DCDC1: variants seen among roughly 807,000 people sequenced by gnomAD.
DCDC1 encodes the protein doublecortin domain containing 1.
In DCDC1, 200 loss-of-function variants were observed where a neutral mutation model predicts 178.3. The ratio of observed to expected loss-of-function variants is 1.12; its 90% CI spans 1.00 to 1.26. The LOEUF is 1.26. Among genes scored for constraint, DCDC1 ranks in the 50% most tolerant of loss-of-function variants. DCDC1 has a pLI of 0.00. For synonymous variants in DCDC1, 690 were observed against 604.8 expected, an observed-to-expected ratio of 1.14 and a Z score of -2.07; for missense variants, 1,983 against 1,749.2, an observed-to-expected ratio of 1.13 and a Z score of -2.38.
intron 13 of DCDC1, among the ~76,000 whole-genome samples, chr11:31,106,209 G>C (rs1372612598): frequency 6.6e-6 from 1 of 152,194 alleles, no homozygotes; most frequent in Admixed American, 6.5e-5. Flanking sequence ...ATAATGTAAG[G>C]TGCTTTTGAG....
Position 31,148,210 on chromosome 11 carries a change from T to TAAAAAAAAA in DCDC1, c.1222-10435_1222-10427dup, listed in dbSNP as rs55829692. 6.5e-4 allele frequency among the ~76,000 whole-genome samples: 62 copies of TAAAAAAAAA among 95,668 alleles called. 2 individuals carry two copies. The highest frequency in any genetic ancestry group is 2.2e-3 in the African/African-American group (57 of 25,516). The allele number at this position is 95,668 out of a possible 152,430, so 62.8% of individuals were successfully genotyped here. On this transcript the variant is annotated intron_variant, in intron 9 of 38. Transcript: ENST00000684477. ...GTGTAAGAGCTAGAATTTATTATTA[T>TAAAAAAAAA]AAAAAAAAAAAAAAAAAAAAAAAAC...
chr11:31,262,957 G>A, intron 8 of DCDC1: 2 of 1,373,262 alleles, frequency 1.5e-6, no homozygotes, highest in Non-Finnish European at 2.0e-6. Context: ...AAAAACAGAG[G>A]GCAAGGCATG....
At chr11:31,136,509 T>C (rs1477388085) in intron 10 of DCDC1, among the ~76,000 whole-genome samples, 1 of 152,086 alleles carries the variant, frequency 6.6e-6, no homozygotes, top group Non-Finnish European at 1.5e-5. Flanking sequence ...TGTTCATCTA[T>C]TACAAAACAC....
At chr11:31,000,658 A>G (rs1045938697) in intron 20 of DCDC1, among the ~76,000 whole-genome samples, 1 of 152,076 alleles carries the variant, frequency 6.6e-6, no homozygotes, top group African/African-American at 2.4e-5. Context: ...TACATTAATG[A>G]AGCTTTGTTG....
At chr11:31,256,120 G>A (rs989355056) in intron 8 of DCDC1, among the ~76,000 whole-genome samples, 7 of 152,170 alleles carry the variant, frequency 4.6e-5, no homozygotes, top group African/African-American at 1.4e-4. Flanking sequence ...TTTGTCAAAA[G>A]TCAATTGGCC....
intron 9 of DCDC1, among the ~76,000 whole-genome samples, chr11:31,160,003 T>C (rs952497241): frequency 2.0e-5 from 3 of 152,204 alleles, no homozygotes; most frequent in African/African-American, 4.8e-5. Flanking sequence ...ACAGCAATGC[T>C]TGAGAATTTA....
chr11:30,908,432 T>TA (rs1049942850), intron 29 of DCDC1, among the ~76,000 whole-genome samples: 114 of 147,408 alleles, frequency 7.7e-4, no homozygotes, highest in African/African-American at 2.4e-3. Context: ...CAACAAACCA[T>TA]AAAAAAAAAA....
At chr11:31,143,211 A>G (rs1458772779) in intron 9 of DCDC1, among the ~76,000 whole-genome samples, 1 of 152,220 alleles carries the variant, frequency 6.6e-6, no homozygotes, top group South Asian at 2.1e-4. Context: ...GAGTGGCTGG[A>G]GATGGAGAAG....
At chr11:31,056,707 A>G (rs1054376206) in intron 20 of DCDC1, among the ~76,000 whole-genome samples, 3 of 152,186 alleles carry the variant, frequency 2.0e-5, no homozygotes, top group Non-Finnish European at 4.4e-5. Flanking sequence ...AGAAATAGAA[A>G]AATCCACAAT....
intron 1 of DCDC1, among the ~76,000 whole-genome samples, chr11:31,366,784 A>G (rs1052786644): frequency 2.0e-5 from 3 of 152,182 alleles, no homozygotes; most frequent in African/African-American, 7.2e-5. Context: ...TGTCAAATTC[A>G]CCTTCCTCAC....
At chr11:30,892,759 A>T in intron 36 of DCDC1, 59 bp downstream of exon 36, 1 of 1,590,232 alleles carries the variant, frequency 6.3e-7, no homozygotes, top group Non-Finnish European at 8.6e-7. Context: ...CAATCTAGAA[A>T]TATCAGAGCT....
At chr11:31,060,111 C>A (rs1408726318) in intron 20 of DCDC1, among the ~76,000 whole-genome samples, 1 of 151,852 alleles carries the variant, frequency 6.6e-6, no homozygotes, top group Non-Finnish European at 1.5e-5. Context: ...GAAAAAAGGG[C>A]CTTATAAAAA....
Position 31,064,999 on chromosome 11 carries a change from C to T in DCDC1, c.2433+20G>A, listed in dbSNP as rs376906570. The T allele has an allele frequency of 2.2e-5, 16 of 722,168 alleles. No individual in the cohort carries two copies. Among genetic ancestry groups the T allele is most frequent in the Admixed American group, 8.7e-5 (4 of 45,904 alleles). The allele number at this position is 722,168 out of a possible 1,614,324, so 44.7% of individuals were successfully genotyped here. On this transcript the variant is annotated intron_variant, in intron 19 of 38. Transcript: ENST00000684477. ...TTTTAGAGAGCTATTTCTGTCTTGC[C>T]TCTGGCTCCCTACACTGACCTCTTC...
intron 1 of DCDC1, among the ~76,000 whole-genome samples, chr11:31,342,684 T>C (rs992573931): frequency 6.6e-6 from 1 of 152,186 alleles, no homozygotes; most frequent in South Asian, 2.1e-4. Flanking sequence ...TGAGTCTGAA[T>C]TGGGAAATGC....
At chr11:31,199,768 C>T (rs1971084405) in intron 9 of DCDC1, among the ~76,000 whole-genome samples, 1 of 151,914 alleles carries the variant, frequency 6.6e-6, no homozygotes, top group Non-Finnish European at 1.5e-5. Flanking sequence ...TGTCTGATAC[C>T]AACACTACTC....
intron 8 of DCDC1, among the ~76,000 whole-genome samples, chr11:31,245,940 C>T (rs946537167): frequency 1.3e-5 from 2 of 151,772 alleles, no homozygotes; most frequent in African/African-American, 2.4e-5. Flanking sequence ...GGAGGCAGTA[C>T]ATGATAAGGA....
chr11:31,035,947 G>T (rs1953998976), intron 20 of DCDC1, among the ~76,000 whole-genome samples: 2 of 152,206 alleles, frequency 1.3e-5, no homozygotes, highest in East Asian at 1.9e-4. Context: ...CTTAAGTTGT[G>T]GCTTATATTT....
intron 20 of DCDC1, among the ~76,000 whole-genome samples, chr11:31,002,916 A>G (rs1951650827): frequency 6.6e-6 from 1 of 152,170 alleles, no homozygotes. Context: ...TTAACATGCT[A>G]CATACAAGAA....
At chr11:31,115,550 G>C (rs1959767211) in intron 11 of DCDC1, among the ~76,000 whole-genome samples, 1 of 152,108 alleles carries the variant, frequency 6.6e-6, no homozygotes, top group South Asian at 2.1e-4. Flanking sequence ...TATTACTAGA[G>C]GTCTGGTGAA....
Sources: gnomAD v4.1 joint callset for allele counts (sites outside exome capture counted in the v4.1 genomes callset) on GRCh38, gnomAD v4.1.1 for gene constraint, MANE v1.5 for transcripts, NCBI Gene and HGNC (gene_info 2026-07-23, HGNC 2026-07-21) for gene names.